The following SORL1 variants were observed in gnomAD, a reference collection of about 807,000 sequenced individuals.
SORL1 encodes the protein sortilin related receptor 1.
A neutral mutation model predicts 273.7 loss-of-function variants in SORL1; 127 were observed. The observed-to-expected ratio is 0.46, with a 90% confidence interval of 0.40 to 0.54. The LOEUF is 0.54. SORL1 is among the 20% of genes least tolerant of loss of function. The pLI, the probability that SORL1 is intolerant of heterozygous loss-of-function variation, is 0.00. For synonymous variants in SORL1, 1,031 were observed against 1,067.4 expected (o/e 0.97, Z 0.66); for missense variants, 2,494 against 2,846.1 (o/e 0.88, Z 2.81).
chr11:121,526,605 T>C (rs149496498), intron 11 of SORL1, among the ~76,000 whole-genome samples: 47 of 152,250 alleles, frequency 3.1e-4, no homozygotes, highest in African/African-American at 8.9e-4. Flanking sequence ...AGTATCTTTT[T>C]CCATTTCTTG....
rs1863432848 is a variant in SORL1 at position 121,604,184 on chromosome 11, G to A, written c.4520-9G>A. 1 of 1,613,702 alleles carries A rather than the reference G, an allele frequency of 6.2e-7. No homozygotes were observed. The highest frequency in any genetic ancestry group is 8.5e-7 in the Non-Finnish European group (1 of 1,179,886). ...CCCCGTGGACTTAAGAAGCCTCTCT[G>A]TGTTTCAGCCACACACAGCACCTTG... On this transcript the variant is annotated splice_polypyrimidine_tract_variant and intron_variant, in intron 32 of 47. Transcript: ENST00000260197.
At chr11:121,527,604 C>A (rs537956447) in intron 11 of SORL1, among the ~76,000 whole-genome samples, 1 of 152,070 alleles carries the variant, frequency 6.6e-6, no homozygotes, top group Non-Finnish European at 1.5e-5. Context: ...ACTGTCCAGG[C>A]ATTGAGTTTT....
chr11:121,600,748 C>T (rs191349731), intron 32 of SORL1, among the ~76,000 whole-genome samples: 66 of 152,078 alleles, frequency 4.3e-4, no homozygotes, highest in Non-Finnish European at 7.8e-4. Context: ...TAGTGTGGTG[C>T]GATTCTTTTT....
chr11:121,591,463 T>C (rs888485760), intron 31 of SORL1, among the ~76,000 whole-genome samples: 1 of 152,358 alleles, frequency 6.6e-6, no homozygotes, highest in African/African-American at 2.4e-5. Flanking sequence ...CCACCTTTGC[T>C]GCCTTCTTAG....
rs201798962 is a variant in SORL1 at position 121,478,230 on chromosome 11, C to T, written c.515C>T (p.Ala172Val). ...AVIAQFYHSP[A>V]DNKRYIFADA... ...ATCGCCCAGTTCTACCACAGCCCTG[C>T]GGACAACAAGCGGGTAAGGAAGTGG... The change falls in exon 3 of 48, where the codon GCG becomes GTG. Residue 172 changes from alanine to valine, a missense_variant. By Grantham distance (64) the Ala-to-Val change is moderately conservative. Coordinates refer to ENST00000260197, the MANE Select transcript of SORL1 (RefSeq NM_003105.6). The T allele has an allele frequency of 4.2e-5, 68 of 1,613,914 alleles. 1 individual carries two copies. Among genetic ancestry groups the T allele is most frequent in the South Asian group, 3.4e-4 (31 of 91,066 alleles).
At chr11:121,497,731 C>T (rs544356337) in intron 6 of SORL1, among the ~76,000 whole-genome samples, 3 of 152,292 alleles carry the variant, frequency 2.0e-5, no homozygotes, top group South Asian at 4.2e-4. Flanking sequence ...AAGGAAAAAA[C>T]CAGGCCCAGT....
At chr11:121,464,583 A>G (rs976488514) in intron 1 of SORL1, among the ~76,000 whole-genome samples, 1 of 152,210 alleles carries the variant, frequency 6.6e-6, no homozygotes, top group Admixed American at 6.5e-5. Flanking sequence ...TCTGAATAAT[A>G]GGAGGTGAAT....
intron 3 of SORL1, among the ~76,000 whole-genome samples, chr11:121,485,609 G>A (rs1000025729): frequency 2.0e-5 from 3 of 152,210 alleles, no homozygotes; most frequent in African/African-American, 4.8e-5. Flanking sequence ...ATGACGGGGT[G>A]CGTGATTTTT....
chr11:121,492,806 A>ATTTT (rs34141065), intron 5 of SORL1, among the ~76,000 whole-genome samples: 3 of 140,342 alleles, frequency 2.1e-5, no homozygotes, highest in Admixed American at 7.2e-5. Flanking sequence ...CTTAAGGGTC[A>ATTTT]TTTTTTTTTT....
At position 121,496,980 on chromosome 11, in the gene SORL1, G is replaced by A; in HGVS notation, c.870G>A (p.Gln290=). Residue 290 remains glutamine (Q), a synonymous_variant, in exon 6 of 48, where the codon CAG becomes CAA. Transcript: ENST00000260197. ...STDFFQSREN[Q]EVILEEVRDF... is the part of the protein sequence containing the mutation. Reference sequence around the variant, plus strand: ...ATTTCTTCCAGTCCCGGGAAAACCAGGAAGTGATCCTTGAGGAAGTGAGAG... The same window carrying A: ...ATTTCTTCCAGTCCCGGGAAAACCAAGAAGTGATCCTTGAGGAAGTGAGAG... 6.2e-7 allele frequency: 1 copy of A among 1,614,102 alleles called. No individual in the cohort carries two copies. Among genetic ancestry groups the A allele is most frequent in the Non-Finnish European group, 8.5e-7 (1 of 1,180,024 alleles).
At chr11:121,605,767 C>A (rs1186517131) in intron 35 of SORL1, among the ~76,000 whole-genome samples, 196 bp downstream of exon 35, 1 of 152,160 alleles carries the variant, frequency 6.6e-6, no homozygotes, top group Non-Finnish European at 1.5e-5. Flanking sequence ...TGTTCTTGTA[C>A]CTTAAGTTAA....
intron 6 of SORL1, among the ~76,000 whole-genome samples, chr11:121,499,579 GATTGA>G (rs1367915199): frequency 2.0e-5 from 3 of 152,212 alleles, no homozygotes; most frequent in African/African-American, 7.2e-5. Flanking sequence ...TCAAGGGATG[GATTGA>G]TGGGAAAAGA....
At chr11:121,628,798 T>C (rs1006146353) in intron 47 of SORL1, 1 of 152,234 alleles carries the variant, frequency 6.6e-6, no homozygotes, top group Non-Finnish European at 1.5e-5. Flanking sequence ...TATATCTATG[T>C]TTATAAAGAC....
intron 39 of SORL1, chr11:121,611,427 A>T: frequency 3.3e-6 from 1 of 300,482 alleles, no homozygotes. Context: ...TACAGTGCAA[A>T]TAAAGAGTTG....
chr11:121,607,134 T>A, intron 36 of SORL1, 52 bp from the exon 37 acceptor site: 1 of 1,200,976 alleles, frequency 8.3e-7, no homozygotes, highest in East Asian at 2.3e-5. Context: ...GATATTAGGA[T>A]GCCCTGGACC....
At chr11:121,559,424 T>G in intron 20 of SORL1, 95 bp from the exon 21 acceptor site, 1 of 1,287,192 alleles carries the variant, frequency 7.8e-7, no homozygotes. Flanking sequence ...CCAATAAATG[T>G]TAGTTGTCTC....
Position 121,452,394 on chromosome 11 carries a change from G to C in SORL1, c.63G>C (p.Leu21=). The part of the protein sequence containing the change: ...RLPFLFTLVA[L]LPPGALCEVW... ...CGTTCCTATTCACCCTGGTCGCACT[G>C]CTGCCGCCCGGAGCTCTCTGCGAAG... Residue 21 remains leucine (L), a synonymous_variant, in exon 1 of 48, where the codon CTG becomes CTC. Coordinates refer to ENST00000260197, the MANE Select transcript of SORL1 (RefSeq NM_003105.6). The surrounding 1 kb of genome is among the most constrained non-coding windows in gnomAD (Gnocchi z 5.3). The C allele has an allele frequency of 1.9e-6, 3 of 1,539,348 alleles. No homozygotes were observed. Among genetic ancestry groups the C allele is most frequent in the Non-Finnish European group, 1.7e-6 (2 of 1,146,920 alleles).
At chr11:121,619,103 AG>A (rs767108656) in intron 42 of SORL1, among the ~76,000 whole-genome samples, 6 of 152,208 alleles carry the variant, frequency 3.9e-5, no homozygotes, top group Non-Finnish European at 7.3e-5. Flanking sequence ...TCCGTTATGG[AG>A]GACTGATAAC....
At chr11:121,457,635 G>T (rs951563079) in intron 1 of SORL1, among the ~76,000 whole-genome samples, 7 of 151,892 alleles carry the variant, frequency 4.6e-5, no homozygotes, top group African/African-American at 1.7e-4. Context: ...TTTTTTCCAG[G>T]CCAGGTGAGA....
Sources: gnomAD v4.1 joint callset for allele counts (sites outside exome capture counted in the v4.1 genomes callset) on GRCh38, gnomAD v4.1.1 for gene constraint, Gnocchi (gnomAD v3.1) non-coding constraint, MANE v1.5 for transcripts, NCBI Gene and HGNC (gene_info 2026-07-23, HGNC 2026-07-21) for gene names.